The following DST variants were observed in gnomAD, a reference collection of about 807,000 sequenced individuals.
DST encodes the protein dystonin.
In DST, 253 loss-of-function variants were observed where a neutral mutation model predicts 875.2. The ratio of observed to expected loss-of-function variants is 0.29; its 90% CI spans 0.26 to 0.32. DST has a LOEUF of 0.32. Ranked by LOEUF, DST falls within the 10% of genes least tolerant of loss-of-function variation. The pLI is 1.00. For missense variants in DST, 8,287 were observed against 9,111.6 expected (o/e 0.91, Z 3.68); for synonymous variants, 3,124 against 3,197.1 (o/e 0.98, Z 0.77).
In DST at chr6:56,630,289, T is replaced by C. The variant is rs1209186513; in HGVS notation, c.4237A>G (p.Ile1413Val). Residue 1413 changes from isoleucine to valine, a missense_variant, in exon 31 of 104, where the codon ATA (isoleucine) becomes GTA (valine). Transcript: ENST00000680361. ...ETKLCEEEAV[I>V]ADKNNIENLI... ...TTCTCAATATTATTCTTGTCAGCTATAACTGCTTCTTCTTCACACAGTTTA... is the reference window on the plus strand; with the variant it reads ...TTCTCAATATTATTCTTGTCAGCTACAACTGCTTCTTCTTCACACAGTTTA... 6.2e-7 allele frequency: 1 copy of C among 1,608,520 alleles called. No individual in the cohort carries two copies. The highest frequency in any genetic ancestry group is 8.5e-7 in the Non-Finnish European group (1 of 1,176,332).
intron 4 of DST, among the ~76,000 whole-genome samples, chr6:56,762,331 C>A (rs2099619175): frequency 6.6e-6 from 1 of 152,192 alleles, no homozygotes; most frequent in Admixed American, 6.5e-5. Flanking sequence ...AACAGTTTCA[C>A]ATAACTTGAA....
At chr6:56,745,010 T>A (rs1432887972) in intron 4 of DST, among the ~76,000 whole-genome samples, 1 of 152,192 alleles carries the variant, frequency 6.6e-6, no homozygotes, top group East Asian at 1.9e-4. Context: ...CTTATCTCTG[T>A]GGAAGGACAG....
intron 50 of DST, among the ~76,000 whole-genome samples, chr6:56,574,136 GAA>G (rs1305413991): frequency 6.8e-6 from 1 of 147,764 alleles, no homozygotes; most frequent in African/African-American, 2.4e-5. Context: ...ATCTGCATTT[GAA>G]AAGAGATTTT....
chr6:56,924,027 G>A (rs1295867320), intron 2 of DST, among the ~76,000 whole-genome samples: 2 of 152,162 alleles, frequency 1.3e-5, no homozygotes, highest in Non-Finnish European at 2.9e-5. Flanking sequence ...AGGAGGCTGA[G>A]GCAATTGAAT....
intron 90 of DST, among the ~76,000 whole-genome samples, chr6:56,478,727 T>C (rs1325097835): frequency 6.6e-6 from 1 of 152,186 alleles, no homozygotes; most frequent in East Asian, 1.9e-4. Flanking sequence ...GATTACACAA[T>C]GAGTGCCAGA....
intron 49 of DST, 62 bp downstream of exon 49, chr6:56,592,120 T>G: frequency 2.1e-6 from 3 of 1,457,308 alleles, no homozygotes; most frequent in Non-Finnish European, 2.8e-6. Context: ...CACAAAAGTG[T>G]GAGAAATTGG....
intron 78 of DST, among the ~76,000 whole-genome samples, chr6:56,503,766 A>G (rs1480143666): frequency 6.6e-6 from 1 of 152,118 alleles, no homozygotes; most frequent in Non-Finnish European, 1.5e-5. Context: ...ATTTTTCTAT[A>G]CGAACAGTTA....
At chr6:56,669,028 T>C (rs1285811887) in intron 10 of DST, among the ~76,000 whole-genome samples, 6 of 152,052 alleles carry the variant, frequency 3.9e-5, no homozygotes, top group Non-Finnish European at 7.4e-5. Flanking sequence ...TAAGGTTCCT[T>C]ATCTGTAAAA....
intron 4 of DST, among the ~76,000 whole-genome samples, chr6:56,751,161 T>C (rs116634468): frequency 5.9e-5 from 9 of 152,298 alleles, no homozygotes; most frequent in African/African-American, 2.2e-4. Context: ...TGCCTGTTAA[T>C]AGTCAATATT....
At chr6:56,634,974 A>C (rs1474023833) in intron 24 of DST, 21 bp from the exon 25 acceptor site, 1 of 1,596,966 alleles carries the variant, frequency 6.3e-7, no homozygotes, top group Non-Finnish European at 8.6e-7. Context: ...AATACAGTGA[A>C]TTTTAAGAAG....
chr6:56,623,365 C>T (rs1355921422), intron 36 of DST, among the ~76,000 whole-genome samples: 1 of 152,022 alleles, frequency 6.6e-6, no homozygotes, highest in Non-Finnish European at 1.5e-5. Context: ...AATAAGATCT[C>T]TCAAAAACTA....
intron 9 of DST, among the ~76,000 whole-genome samples, chr6:56,684,371 C>A (rs1319435668): frequency 6.6e-6 from 1 of 151,868 alleles, no homozygotes; most frequent in Non-Finnish European, 1.5e-5. Flanking sequence ...TAATTTATGT[C>A]AATAGTAGAA....
At chr6:56,819,253 G>GA (rs1344707742) in intron 4 of DST, among the ~76,000 whole-genome samples, 1 of 152,170 alleles carries the variant, frequency 6.6e-6, no homozygotes, top group Non-Finnish European at 1.5e-5. Context: ...CCAGAGAGGA[G>GA]AAAGAGATGG....
intron 4 of DST, among the ~76,000 whole-genome samples, chr6:56,816,125 C>T (rs2099766215): frequency 6.6e-6 from 1 of 152,078 alleles, no homozygotes; most frequent in South Asian, 2.1e-4. Context: ...AAATAAACAC[C>T]CTGAAAGGAG....
chr6:56,586,072 G>A (rs1426147114), intron 49 of DST, among the ~76,000 whole-genome samples: 1 of 152,210 alleles, frequency 6.6e-6, no homozygotes, highest in Non-Finnish European at 1.5e-5. Context: ...TGTATATTCT[G>A]TTGATTTGGG....
intron 12 of DST, among the ~76,000 whole-genome samples, chr6:56,649,426 T>C (rs2098961843): frequency 6.6e-6 from 1 of 152,184 alleles, no homozygotes; most frequent in Non-Finnish European, 1.5e-5. Flanking sequence ...TAATTAAGTG[T>C]TGAAATGTTG....
At chr6:56,480,633 T>G (rs565915572) in intron 90 of DST, among the ~76,000 whole-genome samples, 3 of 152,352 alleles carry the variant, frequency 2.0e-5, no homozygotes, top group African/African-American at 7.2e-5. Flanking sequence ...AAAGAATGAA[T>G]AGTGTTACTG....
At chr6:56,641,775 G>A (rs1050871419) in intron 17 of DST, among the ~76,000 whole-genome samples, 172 bp downstream of exon 17, 2 of 151,990 alleles carry the variant, frequency 1.3e-5, no homozygotes, top group Non-Finnish European at 2.9e-5. Context: ...ATCTTTAAAA[G>A]ACAAGTACCT....
chr6:56,772,965 T>C (rs1187634752), intron 4 of DST, among the ~76,000 whole-genome samples: 2 of 152,126 alleles, frequency 1.3e-5, no homozygotes, highest in East Asian at 3.9e-4. Context: ...CTTGGTTTCT[T>C]GTTCTAGGGA....
Sources: allele counts gnomAD v4.1 joint callset (sites outside exome capture counted in the v4.1 genomes callset), GRCh38; gene constraint gnomAD v4.1.1; transcripts MANE v1.5; gene names NCBI Gene and HGNC (gene_info 2026-07-23, HGNC 2026-07-21).